OPCML: variants seen among roughly 807,000 people sequenced by gnomAD.
OPCML encodes opioid-binding protein/cell adhesion molecule.
In OPCML, 13 loss-of-function variants were observed where a neutral mutation model predicts 37.8. The observed-to-expected ratio is 0.34, with a 90% confidence interval of 0.22 to 0.55. The LOEUF is 0.55. Among genes scored for constraint, OPCML ranks in the 20% least tolerant of loss-of-function variants. OPCML has a pLI of 0.91. For synonymous variants in OPCML, 176 were observed against 168.8 expected (o/e 1.04, Z -0.33); for missense variants, 341 against 435.6 (o/e 0.78, Z 1.93).
At chr11:133,471,726 A>G (rs900893339) in intron 1 of OPCML, among the ~76,000 whole-genome samples, 5 of 152,208 alleles carry the variant, frequency 3.3e-5, no homozygotes, top group African/African-American at 4.8e-5. Context: ...GGAGTAGTAA[A>G]ATGTTTCCAT....
chr11:132,788,900 A>G (rs988768044), intron 2 of OPCML, among the ~76,000 whole-genome samples: 1 of 151,420 alleles, frequency 6.6e-6, no homozygotes, highest in African/African-American at 2.5e-5. Context: ...GCAGCTTCCC[A>G]TTGCTTTTAG....
chr11:133,405,714 GAT>G (rs1945511247), intron 1 of OPCML, among the ~76,000 whole-genome samples: 1 of 146,506 alleles, frequency 6.8e-6, no homozygotes, highest in Non-Finnish European at 1.5e-5. Flanking sequence ...AACAGCATCT[GAT>G]ATGTACCCTT....
chr11:132,524,336 T>C (rs949923314), intron 4 of OPCML, among the ~76,000 whole-genome samples: 50 of 152,116 alleles, frequency 3.3e-4, no homozygotes, highest in African/African-American at 1.1e-3. Context: ...CTTTGGAAAA[T>C]TATTTGAGGC....
intron 1 of OPCML, among the ~76,000 whole-genome samples, chr11:133,117,342 T>C (rs1334518836): frequency 1.3e-5 from 2 of 152,222 alleles, no homozygotes; most frequent in African/African-American, 4.8e-5. Context: ...TCTCACAGCT[T>C]GAACATTTAG....
chr11:132,789,329 T>C (rs943918321), intron 2 of OPCML, among the ~76,000 whole-genome samples: 1 of 152,204 alleles, frequency 6.6e-6, no homozygotes, highest in African/African-American at 2.4e-5. Flanking sequence ...TGCATATGAA[T>C]GTGAATATCT....
chr11:132,867,241 A>G (rs1942602437), intron 2 of OPCML, among the ~76,000 whole-genome samples: 1 of 152,162 alleles, frequency 6.6e-6, no homozygotes, highest in Non-Finnish European at 1.5e-5. Flanking sequence ...GGAATGGAAA[A>G]GGACTGTTGG....
intron 1 of OPCML, among the ~76,000 whole-genome samples, chr11:133,456,678 G>GA (rs917254719): frequency 1.3e-5 from 2 of 148,804 alleles, no homozygotes; most frequent in Non-Finnish European, 3.0e-5. Flanking sequence ...AGGAAATTGA[G>GA]AAAAAGATAT....
At chr11:133,028,456 A>C (rs1416948215) in intron 1 of OPCML, among the ~76,000 whole-genome samples, 1 of 152,086 alleles carries the variant, frequency 6.6e-6, no homozygotes, top group Non-Finnish European at 1.5e-5. Flanking sequence ...TGACAAGTAC[A>C]CACATTGCTT....
chr11:132,537,630 A>C (rs939474329), intron 3 of OPCML, among the ~76,000 whole-genome samples: 14 of 152,262 alleles, frequency 9.2e-5, no homozygotes, highest in Admixed American at 7.2e-4. Flanking sequence ...ACTATCAAGC[A>C]AGTGAAAAGA....
chr11:133,476,881 T>C (rs73587614), intron 1 of OPCML, among the ~76,000 whole-genome samples: 1,618 of 152,324 alleles, frequency 0.011, 30 homozygotes, highest in African/African-American at 0.036. Context: ...TAAAAATAAG[T>C]TGGCCATTCA....
chr11:132,499,012 G>A (rs2096239935), intron 4 of OPCML, among the ~76,000 whole-genome samples: 1 of 152,206 alleles, frequency 6.6e-6, no homozygotes, highest in African/African-American at 2.4e-5. Flanking sequence ...TGCGTCTCAG[G>A]CAAAAGCCAT....
intron 1 of OPCML, among the ~76,000 whole-genome samples, chr11:133,505,270 G>T (rs539567896): frequency 6.6e-6 from 1 of 152,252 alleles, no homozygotes; most frequent in Non-Finnish European, 1.5e-5. Flanking sequence ...GCACTGGAGA[G>T]AAGGGGGCCG....
chr11:132,919,447 T>A (rs915823522), intron 2 of OPCML, among the ~76,000 whole-genome samples: 1 of 152,150 alleles, frequency 6.6e-6, no homozygotes, highest in Admixed American at 6.5e-5. Flanking sequence ...GTCTAAGCTG[T>A]TAGAATGAAG....
chr11:132,791,457 C>T (rs1937901786), intron 2 of OPCML, among the ~76,000 whole-genome samples: 1 of 152,158 alleles, frequency 6.6e-6, no homozygotes, highest in Admixed American at 6.5e-5. Flanking sequence ...CCCCTCCTAA[C>T]TCTGATTTAC....
chr11:133,433,690 C>T (rs562768942), intron 1 of OPCML, among the ~76,000 whole-genome samples: 1 of 152,298 alleles, frequency 6.6e-6, no homozygotes, highest in Non-Finnish European at 1.5e-5. Context: ...TCTTGCCCCT[C>T]CATCCAGAGA....
chr11:133,127,585 A>G (rs2137129205), intron 1 of OPCML, among the ~76,000 whole-genome samples: 1 of 151,942 alleles, frequency 6.6e-6, no homozygotes, highest in East Asian at 1.9e-4. Context: ...GTGGGCTGAG[A>G]CTGCACCACC....
chr11:133,175,516 T>C (rs1278596156), intron 1 of OPCML, among the ~76,000 whole-genome samples: 2 of 150,238 alleles, frequency 1.3e-5, no homozygotes, highest in Admixed American at 6.6e-5. Context: ...AGGTTTTCCA[T>C]GATGGACTGC....
chr11:133,076,169 T>C (rs1372244870), intron 1 of OPCML, among the ~76,000 whole-genome samples: 3 of 152,212 alleles, frequency 2.0e-5, no homozygotes, highest in Non-Finnish European at 4.4e-5. Context: ...TGTATTATTT[T>C]GTACTTCATT....
intron 1 of OPCML, among the ~76,000 whole-genome samples, chr11:133,085,444 TTTTC>T (rs1324091570): frequency 6.6e-6 from 1 of 152,246 alleles, no homozygotes. Flanking sequence ...AATGGTGGTG[TTTTC>T]TTTATCTTTA....
Sources: allele counts gnomAD v4.1 joint callset (sites outside exome capture counted in the v4.1 genomes callset), GRCh38; gene constraint gnomAD v4.1.1; transcripts MANE v1.5; gene names NCBI Gene and HGNC (gene_info 2026-07-23, HGNC 2026-07-21).